Variants in RASAL2 observed in about 807,000 individuals in gnomAD.
RASAL2 encodes the protein ras GTPase-activating protein nGAP.
Under a neutral mutation model 128.9 loss-of-function variants are expected in RASAL2, and 58 were observed. The ratio of observed to expected loss-of-function variants is 0.45; its 90% CI spans 0.36 to 0.56. The LOEUF (loss-of-function observed/expected upper bound fraction) is 0.56. Ranked by LOEUF, RASAL2 falls within the 20% of genes least tolerant of loss-of-function variation. The probability of loss-of-function intolerance (pLI) is 0.00; values close to 1 mark genes in which losing one functional copy is unlikely to be tolerated. For missense variants in RASAL2, 1,360 were observed against 1,601.6 expected, an observed-to-expected ratio of 0.85 and a Z score of 2.57; for synonymous variants, 561 against 580.8, an observed-to-expected ratio of 0.97 and a Z score of 0.49.
At chr1:178,335,841 A>T (rs1443179027) in intron 3 of RASAL2, among the ~76,000 whole-genome samples, 1 of 152,172 alleles carries the variant, frequency 6.6e-6, no homozygotes, top group Non-Finnish European at 1.5e-5. Context: ...TGATAAACCT[A>T]ATTTGGAACA....
chr1:178,413,935 G>A (rs1002116972), intron 4 of RASAL2, among the ~76,000 whole-genome samples: 8 of 152,030 alleles, frequency 5.3e-5, no homozygotes, highest in African/African-American at 1.9e-4. Flanking sequence ...TGAGCTTGAG[G>A]ACACCTCAGT....
At chr1:178,095,056 T>C (rs979599650) in intron 1 of RASAL2, among the ~76,000 whole-genome samples, 1 of 152,184 alleles carries the variant, frequency 6.6e-6, no homozygotes, top group Non-Finnish European at 1.5e-5. Context: ...CGTCTCTTTT[T>C]ATTGTTGAAT....
chr1:178,353,843 C>T (rs1421170603), intron 3 of RASAL2, among the ~76,000 whole-genome samples: 1 of 152,226 alleles, frequency 6.6e-6, no homozygotes, highest in African/African-American at 2.4e-5. Context: ...GTGGCTCATG[C>T]CTGTAGTCCC....
At chr1:178,124,674 T>C (rs1168092342) in intron 1 of RASAL2, among the ~76,000 whole-genome samples, 4 of 152,178 alleles carry the variant, frequency 2.6e-5, no homozygotes, top group African/African-American at 9.7e-5. Flanking sequence ...ACAGCTTTAG[T>C]AAGATTTTTA....
At chr1:178,279,831 G>C (rs1666698813) in intron 1 of RASAL2, among the ~76,000 whole-genome samples, 2 of 152,260 alleles carry the variant, frequency 1.3e-5, no homozygotes, top group Admixed American at 1.3e-4. Flanking sequence ...CTTCCCAGTA[G>C]TACTTGAAGT....
In RASAL2 at chr1:178,094,550, T is replaced by A; in HGVS notation, c.58T>A (p.Phe20Ile). 6.3e-7 allele frequency: 1 copy of A among 1,590,424 alleles called. No homozygotes were observed. The highest frequency in any genetic ancestry group is 8.6e-7 in the Non-Finnish European group (1 of 1,168,800). Residue 20 changes from phenylalanine to isoleucine, a missense_variant, in exon 1 of 18, where the codon TTC becomes ATC. Phe to Ile is a conservative substitution (Grantham distance 21, BLOSUM62 0). Around this residue, in one of 3 missense-constraint regions of RASAL2, gnomAD observed 617 missense variants for 714.2 expected, o/e 0.86. Coordinates refer to ENST00000367649, the MANE Select transcript of RASAL2 (RefSeq NM_170692.4). ...AAEALSWPEM[F>I]PALESDSPLP... The stretch of plus-strand genomic sequence containing the variant: ...GGAGGCGCTGTCCTGGCCGGAGATG[T>A]TCCCGGCGCTGGAGTCCGACTCGCC...
chr1:178,210,228 T>C (rs1009412709), intron 1 of RASAL2, among the ~76,000 whole-genome samples: 11 of 152,198 alleles, frequency 7.2e-5, no homozygotes, highest in African/African-American at 2.7e-4. Flanking sequence ...TTTGACACTT[T>C]ATAATTTTTA....
intron 1 of RASAL2, among the ~76,000 whole-genome samples, chr1:178,173,649 A>G (rs1571583311): frequency 6.6e-6 from 1 of 152,186 alleles, no homozygotes; most frequent in East Asian, 1.9e-4. Flanking sequence ...TGTGAACCTT[A>G]GTGGCACACC....
chr1:178,112,527 G>A (rs1403772732), intron 1 of RASAL2, among the ~76,000 whole-genome samples: 4 of 151,944 alleles, frequency 2.6e-5, no homozygotes, highest in Non-Finnish European at 5.9e-5. Context: ...TCCCGCCTGG[G>A]TGACAGAGCG....
At chr1:178,291,394 CTG>C (rs1667275199) in intron 2 of RASAL2, among the ~76,000 whole-genome samples, 1 of 152,086 alleles carries the variant, frequency 6.6e-6, no homozygotes, top group African/African-American at 2.4e-5. Context: ...AGAAGTAACT[CTG>C]TGGATTATAT....
chr1:178,337,876 C>T (rs1179953764), intron 3 of RASAL2, among the ~76,000 whole-genome samples: 3 of 151,658 alleles, frequency 2.0e-5, no homozygotes, highest in African/African-American at 7.3e-5. Context: ...AGATTATAGG[C>T]GCCTGCCACC....
intron 4 of RASAL2, among the ~76,000 whole-genome samples, chr1:178,397,788 T>A (rs972348407): frequency 1.1e-4 from 16 of 147,282 alleles, no homozygotes; most frequent in Middle Eastern, 3.5e-3. Flanking sequence ...TTTTTTTTTT[T>A]AACTTTTGGA....
At chr1:178,273,504 A>G (rs1416340317) in intron 1 of RASAL2, among the ~76,000 whole-genome samples, 2 of 152,212 alleles carry the variant, frequency 1.3e-5, no homozygotes, top group African/African-American at 2.4e-5. Flanking sequence ...AAACATACCC[A>G]CTAACAGGTT....
chr1:178,165,581 C>T (rs1661492917), intron 1 of RASAL2, among the ~76,000 whole-genome samples: 1 of 152,114 alleles, frequency 6.6e-6, no homozygotes, highest in Admixed American at 6.6e-5. Flanking sequence ...GATGACTGTA[C>T]ACATACATGT....
In RASAL2 at chr1:178,475,366, A is replaced by T. The variant is rs1648596680; in HGVS notation, c.*2127A>T. On this transcript the variant is annotated 3_prime_UTR_variant, in exon 18 of 18. Coordinates refer to ENST00000367649, the MANE Select transcript of RASAL2 (RefSeq NM_170692.4). ...GGTCAAAATCACTTATTTTATTAGG[A>T]AAAAGAGGTAACTGTTCCAAAGTGT... 6.6e-6 allele frequency: 1 copy of T among 152,212 alleles called. No individual in the cohort carries two copies. The highest frequency in any genetic ancestry group is 6.5e-5 in the Admixed American group (1 of 15,278). The allele number at this position is 152,212 out of a possible 1,614,324, so 9.4% of individuals were successfully genotyped here. A position where few individuals can be genotyped will look rare whatever the true frequency, so the allele number is the denominator to read the frequency against.
chr1:178,207,430 G>A (rs1469982527), intron 1 of RASAL2, among the ~76,000 whole-genome samples: 3 of 152,106 alleles, frequency 2.0e-5, no homozygotes, highest in African/African-American at 4.8e-5. Context: ...TTTATATTGT[G>A]TTAGATATTA....
chr1:178,265,253 GT>G (rs1429314609), intron 1 of RASAL2, among the ~76,000 whole-genome samples: 1 of 151,998 alleles, frequency 6.6e-6, no homozygotes, highest in Non-Finnish European at 1.5e-5. Flanking sequence ...TGTTGTTGTT[GT>G]TTTTGGTTTT....
At chr1:178,384,663 CAA>C (rs1182052304) in intron 3 of RASAL2, among the ~76,000 whole-genome samples, 12 of 98,972 alleles carry the variant, frequency 1.2e-4, no homozygotes, top group Admixed American at 2.1e-4. Flanking sequence ...GTCCATGTCT[CAA>C]AAAAAAAAAA....
intron 3 of RASAL2, among the ~76,000 whole-genome samples, chr1:178,348,410 C>T (rs1273400335): frequency 2.6e-5 from 4 of 152,186 alleles, no homozygotes; most frequent in Admixed American, 6.5e-5. Context: ...TCCCACCTCT[C>T]AGCCTTCTGA....
Sources: allele counts gnomAD v4.1 joint callset (sites outside exome capture counted in the v4.1 genomes callset), GRCh38; gene constraint gnomAD v4.1.1; regional missense constraint gnomAD v4.1.1; transcripts MANE v1.5; gene names NCBI Gene and HGNC (gene_info 2026-07-23, HGNC 2026-07-21).